Variants in PAK5 observed in about 807,000 individuals in gnomAD.
PAK5 encodes serine/threonine-protein kinase PAK 5.
PAK5 carries 16 observed loss-of-function variants against 65.9 expected under a neutral mutation model. The observed-to-expected ratio is 0.24, with a 90% CI of 0.16 to 0.37. PAK5 has a LOEUF of 0.37. PAK5 is among the 10% of genes least tolerant of loss of function. The pLI, the probability that PAK5 is intolerant of heterozygous loss-of-function variation, is 1.00. For missense variants in PAK5, 785 were observed against 903.9 expected (o/e 0.87, Z 1.69); for synonymous variants, 371 against 354.9 (o/e 1.05, Z -0.51).
chr20:9,560,597 C>A (rs996127995), intron 6 of PAK5, among the ~76,000 whole-genome samples: 1 of 152,128 alleles, frequency 6.6e-6, no homozygotes, highest in Non-Finnish European at 1.5e-5. Flanking sequence ...CCTGTGCTCA[C>A]GTGATCCTCC....
intron 6 of PAK5, among the ~76,000 whole-genome samples, chr20:9,558,000 A>G (rs1381693897): frequency 6.6e-6 from 1 of 151,730 alleles, no homozygotes; most frequent in East Asian, 1.9e-4. Flanking sequence ...ATGCACTTCC[A>G]GGAACTCATT....
intron 2 of PAK5, among the ~76,000 whole-genome samples, chr20:9,671,903 C>T (rs887894804): frequency 6.6e-6 from 1 of 152,006 alleles, no homozygotes; most frequent in Non-Finnish European, 1.5e-5. Context: ...AAAAGGTACC[C>T]CTGACTTTAA....
intron 3 of PAK5, among the ~76,000 whole-genome samples, chr20:9,609,435 A>G (rs1325953722): frequency 6.6e-6 from 1 of 152,214 alleles, no homozygotes; most frequent in Non-Finnish European, 1.5e-5. Context: ...GCAAAACATA[A>G]GTGTGAAAAC....
At chr20:9,635,998 A>G (rs991636801) in intron 3 of PAK5, among the ~76,000 whole-genome samples, 3 of 152,200 alleles carry the variant, frequency 2.0e-5, no homozygotes, top group Non-Finnish European at 2.9e-5. Context: ...AAAGTAAAGG[A>G]GGCACTAAAA....
chr20:9,774,737 A>G (rs533049820), intron 1 of PAK5, among the ~76,000 whole-genome samples: 2 of 152,136 alleles, frequency 1.3e-5, no homozygotes, highest in East Asian at 3.9e-4. Context: ...AGGTCAGGAG[A>G]TCGAGACCAT....
At chr20:9,566,521 C>T (rs2045684713) in intron 4 of PAK5, 137 bp from the exon 5 acceptor site, 1 of 798,632 alleles carries the variant, frequency 1.3e-6, no homozygotes, top group Non-Finnish European at 2.0e-6. Context: ...GGGGCACCAA[C>T]AGGACCGGCC....
At chr20:9,791,612 T>C (rs1042644909) in intron 1 of PAK5, among the ~76,000 whole-genome samples, 1 of 152,122 alleles carries the variant, frequency 6.6e-6, no homozygotes, top group Non-Finnish European at 1.5e-5. Flanking sequence ...TGACTCTCAA[T>C]GAGAGCAGTA....
intron 7 of PAK5, among the ~76,000 whole-genome samples, chr20:9,551,068 A>T (rs1438472606): frequency 6.6e-6 from 1 of 152,170 alleles, no homozygotes; most frequent in African/African-American, 2.4e-5. Flanking sequence ...CTGCTGCTGT[A>T]GGAGTATAAG....
intron 1 of PAK5, among the ~76,000 whole-genome samples, chr20:9,751,217 C>T (rs552744015): frequency 2.0e-5 from 3 of 152,212 alleles, no homozygotes; most frequent in African/African-American, 7.2e-5. Context: ...AAAATGTAGT[C>T]TTATGACTCA....
intron 1 of PAK5, among the ~76,000 whole-genome samples, chr20:9,826,541 T>C (rs943021469): frequency 2.0e-5 from 3 of 152,180 alleles, no homozygotes; most frequent in Non-Finnish European, 1.5e-5. Context: ...ATCCATATAT[T>C]GCTTTAAAAA....
intron 2 of PAK5, among the ~76,000 whole-genome samples, chr20:9,702,646 T>C (rs1273605417): frequency 6.6e-6 from 1 of 152,174 alleles, no homozygotes; most frequent in Non-Finnish European, 1.5e-5. Context: ...TTATAACCCT[T>C]CAGTTGTTCT....
At chr20:9,679,316 T>C (rs1354841453) in intron 2 of PAK5, among the ~76,000 whole-genome samples, 2 of 152,148 alleles carry the variant, frequency 1.3e-5, no homozygotes, top group African/African-American at 4.8e-5. Context: ...AGTTTAAGTT[T>C]TGGGGGAGTC....
At chr20:9,602,512 C>T (rs1323317688) in intron 3 of PAK5, among the ~76,000 whole-genome samples, 2 of 152,106 alleles carry the variant, frequency 1.3e-5, no homozygotes, top group Admixed American at 1.3e-4. Context: ...AATTAATTAT[C>T]TTTATGGCTA....
At position 9,723,126 on chromosome 20, in the gene PAK5, A is replaced by G. The variant is rs568922138; in HGVS notation, c.-161-11691T>C. ...GCAGCGGGTGCATGATCTAACTTAC[A>G]TTTTAAAAGTTTCCTTGGAATTGGT... On this transcript the variant is annotated intron_variant, in intron 1 of 9. Coordinates refer to ENST00000353224, the MANE Select transcript of PAK5 (RefSeq NM_177990.4). Among the ~76,000 whole-genome samples, 4 of 152,286 alleles carry G rather than the reference A, an allele frequency of 2.6e-5. No homozygotes were observed. In the South Asian group the frequency reaches 8.3e-4, roughly 32 times the overall value.
intron 1 of PAK5, among the ~76,000 whole-genome samples, chr20:9,819,766 T>C (rs2049398403): frequency 6.6e-6 from 1 of 152,082 alleles, no homozygotes; most frequent in South Asian, 2.1e-4. Flanking sequence ...CAACAGTAAT[T>C]AGACAAGGAA....
chr20:9,794,549 T>A (rs1011659856), intron 1 of PAK5, among the ~76,000 whole-genome samples: 11 of 151,906 alleles, frequency 7.2e-5, no homozygotes, highest in African/African-American at 2.7e-4. Flanking sequence ...AGTTAGAACA[T>A]TTAGTTAGAG....
chr20:9,777,759 G>C (rs979690970), intron 1 of PAK5, among the ~76,000 whole-genome samples: 2 of 152,154 alleles, frequency 1.3e-5, no homozygotes, highest in Non-Finnish European at 2.9e-5. Flanking sequence ...ATCTAGCATG[G>C]GCTATGCCAG....
chr20:9,619,018 G>A (rs1391542426), intron 3 of PAK5, among the ~76,000 whole-genome samples: 1 of 134,054 alleles, frequency 7.5e-6, no homozygotes, highest in African/African-American at 2.8e-5. Context: ...GACCTCTTTG[G>A]CTCAAGTGAT....
At chr20:9,767,748 A>T (rs1444923152) in intron 1 of PAK5, among the ~76,000 whole-genome samples, 27 of 152,050 alleles carry the variant, frequency 1.8e-4, no homozygotes, top group Non-Finnish European at 1.5e-5. Context: ...GGTCAGTGGT[A>T]TTGGGGGTTT....
Sources: allele counts gnomAD v4.1 joint callset (sites outside exome capture counted in the v4.1 genomes callset), GRCh38; gene constraint gnomAD v4.1.1; transcripts MANE v1.5; gene names NCBI Gene and HGNC (gene_info 2026-07-23, HGNC 2026-07-21).